The following SNTB1 variants were observed in gnomAD, a reference collection of about 807,000 sequenced individuals.
SNTB1 encodes the protein syntrophin beta 1.
In SNTB1, 36 loss-of-function variants were observed where a neutral mutation model predicts 48.9. The ratio of observed to expected loss-of-function variants is 0.74; its 90% confidence interval spans 0.56 to 0.97. The LOEUF is 0.97. Ranked by LOEUF, SNTB1 falls within the 50% of genes least tolerant of loss-of-function variation. SNTB1 has a pLI of 0.00. For missense variants in SNTB1, 786 were observed against 703.4 expected (o/e 1.12, Z -1.33); for synonymous variants, 299 against 294.6 (o/e 1.01, Z -0.15).
At chr8:120,671,807 C>A (rs1817761970) in intron 2 of SNTB1, among the ~76,000 whole-genome samples, 1 of 152,186 alleles carries the variant, frequency 6.6e-6, no homozygotes, top group African/African-American at 2.4e-5. Flanking sequence ...AAGCTGGCAA[C>A]AGTATTGCTT....
intron 1 of SNTB1, among the ~76,000 whole-genome samples, chr8:120,719,435 G>A (rs2129943093): frequency 6.6e-6 from 1 of 152,258 alleles, no homozygotes; most frequent in East Asian, 1.9e-4. Context: ...CCTTGTGATT[G>A]AGTGAGTTAA....
At chr8:120,628,340 A>C (rs1161562945) in intron 3 of SNTB1, among the ~76,000 whole-genome samples, 1 of 152,232 alleles carries the variant, frequency 6.6e-6, no homozygotes, top group African/African-American at 2.4e-5. Context: ...CTGTAAAAGG[A>C]TTAGATGAAC....
Position 120,811,906 on chromosome 8 carries a change from C to G in SNTB1, c.-63G>C. 1.8e-6 allele frequency: 2 copies of G among 1,094,822 alleles called. No individual in the cohort carries two copies. Among genetic ancestry groups the G allele is most frequent in the East Asian group, 3.5e-5 (1 of 28,548 alleles). The allele number at this position is 1,094,822 out of a possible 1,614,324, so 67.8% of individuals were successfully genotyped here. On this transcript the variant is annotated 5_prime_UTR_variant, in exon 1 of 7. Coordinates refer to ENST00000517992, the MANE Select transcript of SNTB1 (RefSeq NM_021021.4). ...GGGGGGAAAAGTGGGGAAGGGTGGC[C>G]GGGGGGAGGACGCGGGGCCCGGGGG...
At chr8:120,719,023 A>C (rs752932824) in intron 1 of SNTB1, among the ~76,000 whole-genome samples, 13 of 152,208 alleles carry the variant, frequency 8.5e-5, no homozygotes, top group Non-Finnish European at 1.9e-4. Context: ...GCAAGGTAAA[A>C]GTTTTGTCCA....
At chr8:120,597,824 T>C (rs1003922254) in intron 3 of SNTB1, among the ~76,000 whole-genome samples, 2 of 152,228 alleles carry the variant, frequency 1.3e-5, no homozygotes, top group African/African-American at 4.8e-5. Flanking sequence ...TTCTGGCTCA[T>C]CCTGCTGCCC....
At chr8:120,598,303 C>A (rs1816359756) in intron 3 of SNTB1, among the ~76,000 whole-genome samples, 1 of 152,240 alleles carries the variant, frequency 6.6e-6, no homozygotes, top group Non-Finnish European at 1.5e-5. Flanking sequence ...ATGACTTCTT[C>A]ATCCTCATCT....
intron 4 of SNTB1, among the ~76,000 whole-genome samples, chr8:120,551,779 C>T (rs1012702499): frequency 4.0e-5 from 6 of 148,420 alleles, no homozygotes; most frequent in African/African-American, 1.2e-4. Flanking sequence ...ATTAAACAAC[C>T]AATGCACTGT....
At position 120,604,004 on chromosome 8, in the gene SNTB1, A is replaced by AG. The variant is rs557700125; in HGVS notation, c.996+28439dup. Among the ~76,000 whole-genome samples the AG allele has an allele frequency of 6.3e-3, 963 of 152,272 alleles. 7 individuals are homozygous for AG. The highest frequency in any genetic ancestry group is 0.021 in the African/African-American group (892 of 41,556). Reference sequence around the variant, plus strand: ...TTGTCAAAAGGAATCCTGCTCTTCCAGGGTTCCATACCCAGGTGTCTGCGA... The same window carrying AG: ...TTGTCAAAAGGAATCCTGCTCTTCCAGGGGTTCCATACCCAGGTGTCTGCGA... On this transcript the variant is annotated intron_variant, in intron 3 of 6. Transcript: ENST00000517992.
intron 1 of SNTB1, among the ~76,000 whole-genome samples, chr8:120,757,679 G>T (rs1819340933): frequency 6.6e-6 from 1 of 152,138 alleles, no homozygotes; most frequent in African/African-American, 2.4e-5. Context: ...CTTCTTCTGT[G>T]AAAAACTTCC....
At chr8:120,683,026 C>T (rs913832120) in intron 2 of SNTB1, among the ~76,000 whole-genome samples, 24 of 151,598 alleles carry the variant, frequency 1.6e-4, no homozygotes, top group African/African-American at 4.6e-4. Context: ...GGACTACAGG[C>T]GCCCGCCACT....
At chr8:120,603,051 T>C (rs1039443150) in intron 3 of SNTB1, among the ~76,000 whole-genome samples, 34 of 152,018 alleles carry the variant, frequency 2.2e-4, no homozygotes, top group African/African-American at 8.0e-4. Context: ...CGCCATAATA[T>C]AGTTTTAGAA....
chr8:120,603,939 C>T (rs562423886), intron 3 of SNTB1, among the ~76,000 whole-genome samples: 7 of 152,166 alleles, frequency 4.6e-5, no homozygotes, highest in Non-Finnish European at 7.3e-5. Flanking sequence ...TGTCTGCAGC[C>T]CTTCTCAGTA....
chr8:120,797,537 C>T (rs573857269), intron 1 of SNTB1, among the ~76,000 whole-genome samples: 73 of 118,398 alleles, frequency 6.2e-4, no homozygotes, highest in African/African-American at 2.2e-3. Flanking sequence ...ACCAAAGCAA[C>T]TTGTTTCTCT....
At chr8:120,657,909 A>G (rs1185368440) in intron 2 of SNTB1, among the ~76,000 whole-genome samples, 1 of 152,230 alleles carries the variant, frequency 6.6e-6, no homozygotes, top group East Asian at 1.9e-4. Flanking sequence ...CAAATAACTC[A>G]AGAAATTCCT....
intron 3 of SNTB1, among the ~76,000 whole-genome samples, chr8:120,577,262 C>T (rs1039788049): frequency 2.6e-5 from 4 of 152,204 alleles, no homozygotes; most frequent in Non-Finnish European, 5.9e-5. Context: ...CTCCCCGACT[C>T]CGCTGCTGTA....
At chr8:120,634,101 G>A (rs893998068) in intron 2 of SNTB1, among the ~76,000 whole-genome samples, 2 of 151,826 alleles carry the variant, frequency 1.3e-5, no homozygotes, top group African/African-American at 4.8e-5. Flanking sequence ...CAACTAACCT[G>A]TTCTCCGTAT....
chr8:120,639,686 TGTA>T (rs2129664880), intron 2 of SNTB1, among the ~76,000 whole-genome samples: 1 of 152,262 alleles, frequency 6.6e-6, no homozygotes, highest in Non-Finnish European at 1.5e-5. Flanking sequence ...ATCAGATGGT[TGTA>T]GATGTGTGGT....
chr8:120,565,639 G>A (rs1011951523), intron 4 of SNTB1, among the ~76,000 whole-genome samples: 8 of 152,224 alleles, frequency 5.3e-5, no homozygotes, highest in African/African-American at 1.9e-4. Flanking sequence ...TGATCACTCT[G>A]TGAGGGCCGG....
At chr8:120,665,630 T>C (rs1316557568) in intron 2 of SNTB1, among the ~76,000 whole-genome samples, 1 of 152,180 alleles carries the variant, frequency 6.6e-6, no homozygotes. Flanking sequence ...TTTGGTGTCT[T>C]ATCTAGAACC....
Sources: allele counts gnomAD v4.1 joint callset (sites outside exome capture counted in the v4.1 genomes callset), GRCh38; gene constraint gnomAD v4.1.1; transcripts MANE v1.5; gene names NCBI Gene and HGNC (gene_info 2026-07-23, HGNC 2026-07-21).